CNIH3: variants seen among roughly 807,000 people sequenced by gnomAD.
CNIH3 encodes the protein protein cornichon homolog 3.
A neutral mutation model predicts 24.1 loss-of-function variants in CNIH3; 14 were observed. The observed-to-expected ratio is 0.58, with a 90% CI of 0.38 to 0.91. The LOEUF (loss-of-function observed/expected upper bound fraction) is 0.91, where lower values mean the gene tolerates loss of function less well. Among genes scored for constraint, CNIH3 ranks in the 40% least tolerant of loss-of-function variants. CNIH3 has a pLI of 0.00. For synonymous variants in CNIH3, 68 were observed against 73.8 expected (o/e 0.92, Z 0.40); for missense variants, 178 against 196.8 (o/e 0.90, Z 0.57).
At chr1:224,582,375 T>C (rs1681311418) in intron 4 of CNIH3, among the ~76,000 whole-genome samples, 1 of 152,196 alleles carries the variant, frequency 6.6e-6, no homozygotes, top group South Asian at 2.1e-4. Flanking sequence ...TTGTAGGGTT[T>C]GTCCATGACA....
At chr1:224,448,548 A>G (rs778738537) in intron 1 of CNIH3, among the ~76,000 whole-genome samples, 3 of 152,162 alleles carry the variant, frequency 2.0e-5, no homozygotes, top group African/African-American at 4.8e-5. Context: ...TGGGATCATG[A>G]CTTCTGATCT....
In CNIH3 at chr1:224,627,114, C is replaced by T. The variant is rs1040426167; in HGVS notation, c.81+9859C>T. Among the ~76,000 whole-genome samples, 8 of 152,274 alleles carry T rather than the reference C, an allele frequency of 5.3e-5. No homozygotes were observed. The South Asian group carries it at 6.2e-4, about 12-fold the overall frequency. On this transcript the variant is annotated intron_variant, in intron 1 of 5. Transcript: ENST00000272133. ...GGGACTTAGGAGGACATGGTGGACA[C>T]GTGTTGAGCGCATGACTGATGGTGG...
At chr1:224,651,306 T>A (rs1558254218) in intron 1 of CNIH3, among the ~76,000 whole-genome samples, 1 of 152,234 alleles carries the variant, frequency 6.6e-6, no homozygotes, top group South Asian at 2.1e-4. Context: ...AACTACGTAG[T>A]GGTCACCTCT....
At chr1:224,443,084 A>G (rs1212914827) in intron 1 of CNIH3, among the ~76,000 whole-genome samples, 1 of 152,228 alleles carries the variant, frequency 6.6e-6, no homozygotes, top group Non-Finnish European at 1.5e-5. Context: ...TCATTTCTCC[A>G]AGAAATCCTT....
intron 3 of CNIH3, among the ~76,000 whole-genome samples, chr1:224,692,490 C>T (rs1686978753): frequency 1.3e-5 from 2 of 152,140 alleles, no homozygotes; most frequent in Non-Finnish European, 2.9e-5. Flanking sequence ...TACGTAAACT[C>T]AAAGGCAGTT....
chr1:224,616,360 C>A lies in CNIH3; in HGVS notation c.-815C>A. 3.3e-6 allele frequency: 2 copies of A among 608,954 alleles called. No individual in the cohort carries two copies. The highest frequency in any genetic ancestry group is 4.3e-6 in the Non-Finnish European group (2 of 465,098). 37.7% of individuals were successfully genotyped at this position (608,954 alleles called of 1,614,324 possible). On this transcript the variant is annotated 5_prime_UTR_variant, in exon 1 of 6. Coordinates refer to ENST00000272133, the MANE Select transcript of CNIH3 (RefSeq NM_152495.2). ...GCGGCGGCGGCGGCAGCGGCAGCAGCAGGTGGAGCGAGCTACAGCGTTTGG... is the reference window on the plus strand; with the variant it reads ...GCGGCGGCGGCGGCAGCGGCAGCAGAAGGTGGAGCGAGCTACAGCGTTTGG...
intron 3 of CNIH3, among the ~76,000 whole-genome samples, chr1:224,690,929 C>T (rs1372035362): frequency 6.6e-6 from 1 of 152,162 alleles, no homozygotes; most frequent in African/African-American, 2.4e-5. Context: ...TAAAGCTTCC[C>T]AGAGCCACAG....
chr1:224,640,739 C>G (rs1317390540), intron 1 of CNIH3, among the ~76,000 whole-genome samples: 1 of 152,102 alleles, frequency 6.6e-6, no homozygotes, highest in Non-Finnish European at 1.5e-5. Context: ...CAGAGCCAAA[C>G]CCAGAGATAA....
intron 1 of CNIH3, among the ~76,000 whole-genome samples, chr1:224,497,393 T>C (rs184307822): frequency 6.6e-6 from 1 of 152,304 alleles, no homozygotes; most frequent in Admixed American, 6.5e-5. Flanking sequence ...AATGATAGAT[T>C]TTATGTTATG....
chr1:224,657,799 A>C (rs533917345), intron 1 of CNIH3, among the ~76,000 whole-genome samples: 135 of 152,290 alleles, frequency 8.9e-4, no homozygotes, highest in African/African-American at 3.2e-3. Flanking sequence ...CTGATTATAA[A>C]CTGCTTTTTG....
intron 1 of CNIH3, among the ~76,000 whole-genome samples, chr1:224,487,293 G>C (rs1474198824): frequency 4.6e-5 from 7 of 152,188 alleles, no homozygotes; most frequent in Admixed American, 3.9e-4. Context: ...AGACAGGTTG[G>C]TTCTCAGAAT....
intron 3 of CNIH3, among the ~76,000 whole-genome samples, chr1:224,691,425 T>C (rs7545574): frequency 0.51 from 76,864 of 152,154 alleles, 19,848 homozygotes; most frequent in East Asian, 0.66. Flanking sequence ...TGGGCAGGCG[T>C]GGGAGTGTGT....
rs1340317210 is a variant in CNIH3, at chr1:224,704,314, G to A, written c.198+19471G>A. ...AGTGTGGCCCTGCAGGGTCCTAACA[G>A]CTCTGAAAGCCAGCAGGGGCTCTCT... On this transcript the variant is annotated intron_variant, in intron 3 of 5. Transcript: ENST00000272133. This position sits in a 1 kb window ranked among gnomAD's most constrained non-coding sequence, Gnocchi z 4.2. 6.6e-6 allele frequency among the ~76,000 whole-genome samples: 1 copy of A among 152,174 alleles called. No individual in the cohort carries two copies. The highest frequency in any genetic ancestry group is 2.4e-5 in the African/African-American group (1 of 41,448).
intron 2 of CNIH3, among the ~76,000 whole-genome samples, chr1:224,524,791 A>G (rs1414434632): frequency 1.3e-5 from 2 of 152,138 alleles, no homozygotes; most frequent in African/African-American, 4.8e-5. Context: ...TTGGAGAAAC[A>G]GTGTCTTCCC....
chr1:224,483,514 G>A (rs1676898332), intron 1 of CNIH3, among the ~76,000 whole-genome samples: 1 of 151,858 alleles, frequency 6.6e-6, no homozygotes, highest in Non-Finnish European at 1.5e-5. Flanking sequence ...TCGGCCTCCT[G>A]AGTAGCTGGG....
At chr1:224,467,040 T>A (rs1227110948) in intron 1 of CNIH3, among the ~76,000 whole-genome samples, 1 of 152,212 alleles carries the variant, frequency 6.6e-6, no homozygotes. Context: ...CTTTTCATTC[T>A]CTTGAGACAG....
At chr1:224,642,823 T>C (rs961403706) in intron 1 of CNIH3, among the ~76,000 whole-genome samples, 2 of 152,258 alleles carry the variant, frequency 1.3e-5, no homozygotes, top group East Asian at 3.8e-4. Context: ...ATCTGGGTCT[T>C]GCATCTCTGC....
At chr1:224,443,978 A>G (rs1350046486) in intron 1 of CNIH3, among the ~76,000 whole-genome samples, 1 of 152,204 alleles carries the variant, frequency 6.6e-6, no homozygotes, top group Non-Finnish European at 1.5e-5. Context: ...TTTGTTCTAG[A>G]TTTTTAAAAA....
chr1:224,507,064 C>T (rs1466644303), intron 1 of CNIH3, among the ~76,000 whole-genome samples: 4 of 152,048 alleles, frequency 2.6e-5, no homozygotes, highest in Admixed American at 6.6e-5. Flanking sequence ...GGGGTTTCAC[C>T]GTGTTGCCCA....
Sources: gnomAD v4.1 joint callset for allele counts (sites outside exome capture counted in the v4.1 genomes callset) on GRCh38, gnomAD v4.1.1 for gene constraint, Gnocchi (gnomAD v3.1) non-coding constraint, MANE v1.5 for transcripts, NCBI Gene and HGNC (gene_info 2026-07-23, HGNC 2026-07-21) for gene names.